CCAR2: variants seen among roughly 807,000 people sequenced by gnomAD.
CCAR2 encodes the protein cell cycle and apoptosis regulator 2, also known as cell cycle and apoptosis regulator protein 2.
CCAR2 carries 21 observed loss-of-function variants against 108.1 expected under a neutral mutation model. That is an observed-to-expected ratio of 0.19 (90% CI 0.14 to 0.28). The LOEUF (loss-of-function observed/expected upper bound fraction) is 0.28, where lower values mean the gene tolerates loss of function less well. Among genes scored for constraint, CCAR2 ranks in the 10% least tolerant of loss-of-function variants. The pLI, the probability that CCAR2 is intolerant of heterozygous loss-of-function variation, is 1.00. For missense variants in CCAR2, 1,126 were observed against 1,177.0 expected, an observed-to-expected ratio of 0.96 and a Z score of 0.63; for synonymous variants, 577 against 472.8, an observed-to-expected ratio of 1.22 and a Z score of -2.86.
rs1386952077 is a variant in CCAR2, at chr8:22,616,237, G to C, written c.1834G>C (p.Glu612Gln). The change falls in exon 14 of 21, where the codon GAG becomes CAG. Residue 612 changes from glutamate (E) to glutamine (Q), a missense_variant. By Grantham distance (29) the Glu-to-Gln change is conservative. Coordinates refer to ENST00000308511, the MANE Select transcript of CCAR2 (RefSeq NM_001393997.1). ...GAATGAGGGCCCGGCTACAGAGTCA[G>C]AGGCCCCGCTGGTGAGTACCCTGCC... is the stretch of plus-strand genomic sequence containing the variant. Reference protein sequence around the residue: ...AQNEGPATESEAPLKEDGLLP... With the variant: ...AQNEGPATESQAPLKEDGLLP... 6.2e-7 allele frequency: 1 copy of C among 1,612,614 alleles called. No homozygotes were observed. The highest frequency in any genetic ancestry group is 1.7e-5 in the Admixed American group (1 of 60,028).
intron 6 of CCAR2, 131 bp from the exon 7 acceptor site, chr8:22,607,838 C>T (rs902247153): frequency 5.8e-6 from 4 of 684,010 alleles, no homozygotes; most frequent in Non-Finnish European, 1.0e-5. Flanking sequence ...GTTCGCCAGG[C>T]TAGTCTTGAA....
intron 20 of CCAR2, 100 bp downstream of exon 20, chr8:22,619,455 A>G (rs924851481): frequency 1.6e-5 from 23 of 1,452,950 alleles, no homozygotes; most frequent in Non-Finnish European, 2.1e-5. Flanking sequence ...CCAGAGGGCC[A>G]GCAGGCACCG....
In CCAR2 at chr8:22,615,469, G is replaced by T; in HGVS notation, c.1250G>T (p.Arg417Leu). 1.9e-6 allele frequency: 3 copies of T among 1,613,914 alleles called. No individual in the cohort carries two copies. Among genetic ancestry groups the T allele is most frequent in the Non-Finnish European group, 2.5e-6 (3 of 1,180,014 alleles). ...CAGTACCTGCAGCCGGGACCCCCCC[G>T]GCGGCTTCAGACAGTGGTGGTGTAC... ...EFQYLQPGPP[R>L]RLQTVVVYLP... Residue 417 changes from arginine to leucine, a missense_variant, in exon 12 of 21, where the codon CGG (arginine) becomes CTG (leucine). Physicochemically the swap from Arg to Leu is moderately radical, Grantham distance 102. Transcript: ENST00000308511.
At chr8:22,618,164 C>T in intron 16 of CCAR2, 185 bp from the exon 17 acceptor site, 1 of 702,854 alleles carries the variant, frequency 1.4e-6, no homozygotes, top group South Asian at 1.7e-5. Context: ...GAATATAGTG[C>T]ACTGCAGCCT....
In CCAR2 at chr8:22,618,333, T is replaced by C. The variant is rs1554562707; in HGVS notation, c.2074-16T>C. On this transcript the variant is annotated splice_polypyrimidine_tract_variant and intron_variant, in intron 16 of 20. Transcript: ENST00000308511. ...GAACTATTTGCAAATCCTGCTCATCTTTGTTTTCTTTGCAGCCCAAGGAGC... is the reference window on the plus strand; with the variant it reads ...GAACTATTTGCAAATCCTGCTCATCCTTGTTTTCTTTGCAGCCCAAGGAGC... 1.9e-6 allele frequency: 3 copies of C among 1,614,136 alleles called. No individual in the cohort carries two copies. The Admixed American group carries it at 5.0e-5, about 27-fold the overall frequency.
intron 4 of CCAR2, 98 bp downstream of exon 4, chr8:22,606,796 C>A: frequency 1.4e-6 from 2 of 1,465,168 alleles, no homozygotes; most frequent in South Asian, 1.2e-5. Context: ...CATTGCTTTG[C>A]TGTTTTTGTG....
intron 7 of CCAR2, among the ~76,000 whole-genome samples, chr8:22,611,406 A>ATG (rs1460822680): frequency 0.016 from 501 of 30,550 alleles, 4 homozygotes; most frequent in African/African-American, 0.054. Flanking sequence ...GTGTGTGTGT[A>ATG]TGTGTGTGTA....
intron 7 of CCAR2, among the ~76,000 whole-genome samples, chr8:22,608,393 G>C (rs964745232): frequency 6.6e-6 from 1 of 152,178 alleles, no homozygotes; most frequent in African/African-American, 2.4e-5. Flanking sequence ...TGAGATGATA[G>C]GAATGGAAAC....
At chr8:22,617,825 T>A in intron 16 of CCAR2, 47 bp downstream of exon 16, 1 of 1,591,076 alleles carries the variant, frequency 6.3e-7, no homozygotes, top group Non-Finnish European at 8.6e-7. Context: ...TGGTGAGGCT[T>A]GGCAAGGCCT....
rs766275642 is a variant in CCAR2, at chr8:22,619,450, G to T, written c.2727+95G>T. The T allele has an allele frequency of 3.4e-6, 5 of 1,460,822 alleles. No individual in the cohort carries two copies. In the East Asian group the frequency reaches 1.0e-4, roughly 29 times the overall value. The allele number at this position is 1,460,822 out of a possible 1,614,324, so 90.5% of individuals were successfully genotyped here. A position where few individuals can be genotyped will look rare whatever the true frequency, so the allele number is the denominator to read the frequency against. On this transcript the variant is annotated intron_variant, in intron 20 of 20. Coordinates refer to ENST00000308511, the MANE Select transcript of CCAR2 (RefSeq NM_001393997.1). ...CTTGCCCGTGTCGGGAGTGACCAGAGGGCCAGCAGGCACCGGCTTCGTCTT... is the reference window on the plus strand; with the variant it reads ...CTTGCCCGTGTCGGGAGTGACCAGATGGCCAGCAGGCACCGGCTTCGTCTT...
At position 22,604,796 on chromosome 8, in the gene CCAR2, G is replaced by C. The variant is rs1446886555; in HGVS notation, c.-85G>C. 1 of 455,814 alleles carries C rather than the reference G, an allele frequency of 2.2e-6. No homozygotes were observed. The highest frequency in any genetic ancestry group is 4.4e-6 in the Non-Finnish European group (1 of 226,886). 28.2% of individuals were successfully genotyped at this position (455,814 alleles called of 1,614,324 possible). ...TGGCGGCGGCAGCAGCGGCTGTGGTGGTTCCGGGTGTCTTTGTCCCCCCGG... is the reference window on the plus strand; with the variant it reads ...TGGCGGCGGCAGCAGCGGCTGTGGTCGTTCCGGGTGTCTTTGTCCCCCCGG... On this transcript the variant is annotated 5_prime_UTR_variant, in exon 1 of 21. Transcript: ENST00000308511.
At chr8:22,609,315 T>G (rs1801195491) in intron 7 of CCAR2, among the ~76,000 whole-genome samples, 1 of 152,172 alleles carries the variant, frequency 6.6e-6, no homozygotes, top group South Asian at 2.1e-4. Context: ...AGTAAATATT[T>G]ATTTATTTTT....
intron 7 of CCAR2, among the ~76,000 whole-genome samples, chr8:22,611,388 A>ATATGTGTGTG (rs1554559973): frequency 3.8e-4 from 49 of 128,448 alleles, no homozygotes; most frequent in Admixed American, 5.8e-4. Context: ...AAGTATATAT[A>ATATGTGTGTG]TGTGTGTGTG....
rs888553991 is a variant in CCAR2 at position 22,615,608 on chromosome 8, C to T, written c.1377+12C>T. On this transcript the variant is annotated intron_variant, in intron 12 of 20. Transcript: ENST00000308511. ...AGGAGGCACAAGGGGTAAGGCTGTG[C>T]CTTAGCCAGCAGCGGGGGATATAGG... 1.2e-6 allele frequency: 2 copies of T among 1,613,680 alleles called. No homozygotes were observed. The highest frequency in any genetic ancestry group is 1.7e-5 in the Admixed American group (1 of 60,012).
rs1554559973 is a variant in CCAR2, at chr8:22,611,388, A to ATATGTGTGTGTGTG, written c.585-1628_585-1627insATGTGTGTGTGTGT. Reference sequence around the variant, plus strand: ...AAAAAAAAAAAAAAAAAGTATATATATGTGTGTGTGTGTGTGTATGTGTGT... The same window carrying ATATGTGTGTGTGTG: ...AAAAAAAAAAAAAAAAAGTATATATATATGTGTGTGTGTGTGTGTGTGTGTGTGTGTATGTGTGT... On this transcript the variant is annotated intron_variant, in intron 7 of 20. Coordinates refer to ENST00000308511, the MANE Select transcript of CCAR2 (RefSeq NM_001393997.1). 5.8e-3 allele frequency among the ~76,000 whole-genome samples: 748 copies of ATATGTGTGTGTGTG among 128,480 alleles called. 4 individuals carry two copies. Among genetic ancestry groups the ATATGTGTGTGTGTG allele is most frequent in the East Asian group, 0.011 (50 of 4,662 alleles). 84.3% of individuals were successfully genotyped at this position (128,480 alleles called of 152,430 possible).
chr8:22,608,176 A>T (rs915097846), intron 7 of CCAR2, 111 bp downstream of exon 7: 2 of 813,732 alleles, frequency 2.5e-6, no homozygotes, highest in African/African-American at 3.5e-5. Flanking sequence ...AACTGCTTGG[A>T]AGGTGGCTAT....
At position 22,614,137 on chromosome 8, in the gene CCAR2, C is replaced by T. The variant is rs770711234; in HGVS notation, c.750C>T (p.Leu250=). ...FLELQRRYRS[L]LVPSDFLSVH... is the part of the protein sequence containing the mutation. ...AACTCCAGCGCCGTTACCGCAGCCTCCTGGTCCCCTCAGATTTTCTGTCCG... is the reference window on the plus strand; with the variant it reads ...AACTCCAGCGCCGTTACCGCAGCCTTCTGGTCCCCTCAGATTTTCTGTCCG... Residue 250 remains leucine, a synonymous_variant, in exon 9 of 21, where the codon CTC becomes CTT. Coordinates refer to ENST00000308511, the MANE Select transcript of CCAR2 (RefSeq NM_001393997.1). 2 of 1,614,118 alleles carry T rather than the reference C, an allele frequency of 1.2e-6. No homozygotes were observed. Among genetic ancestry groups the T allele is most frequent in the Admixed American group, 1.7e-5 (1 of 60,032 alleles).
At chr8:22,615,044 T>C (rs746138311) in intron 11 of CCAR2, 43 bp downstream of exon 11, 2 of 1,498,676 alleles carry the variant, frequency 1.3e-6, no homozygotes, top group Non-Finnish European at 1.8e-6. Context: ...ACGCACCAGG[T>C]TGGGGAGGTT....
downstream of CCAR2, chr8:22,620,553 C>T (rs13439363): frequency 0.064 from 9,679 of 152,144 alleles, 446 homozygotes; most frequent in African/African-American, 0.13. Context: ...TGCTGGACCA[C>T]GGTGCAGTTC....
Sources: gnomAD v4.1 joint callset for allele counts (sites outside exome capture counted in the v4.1 genomes callset) on GRCh38, gnomAD v4.1.1 for gene constraint, MANE v1.5 for transcripts, NCBI Gene and HGNC (gene_info 2026-07-23, HGNC 2026-07-21) for gene names.